The following ST6GALNAC5 variants were observed in gnomAD, a reference collection of about 807,000 sequenced individuals.
The protein encoded by ST6GALNAC5 is ST6 N-acetylgalactosaminide alpha-2,6-sialyltransferase 5.
In ST6GALNAC5, 27 loss-of-function variants were observed where a neutral mutation model predicts 33.6. The observed-to-expected ratio is 0.80, with a 90% CI of 0.59 to 1.11. ST6GALNAC5 has a LOEUF of 1.11. ST6GALNAC5 is among the 50% of genes least tolerant of loss of function. ST6GALNAC5 has a pLI of 0.00. For missense variants in ST6GALNAC5, 428 were observed against 454.0 expected (o/e 0.94, Z 0.52); for synonymous variants, 194 against 171.2 (o/e 1.13, Z -1.04).
chr1:76,920,885 T>C (rs777112905), intron 2 of ST6GALNAC5, among the ~76,000 whole-genome samples: 1 of 152,106 alleles, frequency 6.6e-6, no homozygotes, highest in African/African-American at 2.4e-5. Flanking sequence ...GAAAGTAGAA[T>C]AGAGAGCTCA....
chr1:76,869,849 T>C (rs1391911389), intron 2 of ST6GALNAC5, among the ~76,000 whole-genome samples: 1 of 152,174 alleles, frequency 6.6e-6, no homozygotes, highest in Admixed American at 6.5e-5. Flanking sequence ...CAGAACAATA[T>C]ACCATGAAAT....
At chr1:76,909,226 A>C (rs1267699325) in intron 2 of ST6GALNAC5, among the ~76,000 whole-genome samples, 2 of 152,148 alleles carry the variant, frequency 1.3e-5, no homozygotes, top group South Asian at 4.1e-4. Context: ...TATCTAGTGC[A>C]GTGTTGGAAG....
chr1:76,967,709 G>T (rs530641308), intron 2 of ST6GALNAC5, among the ~76,000 whole-genome samples: 1 of 152,078 alleles, frequency 6.6e-6, no homozygotes, highest in South Asian at 2.1e-4. Context: ...CTGCTTTCTT[G>T]TGGGCAGTTA....
At chr1:76,969,107 C>T (rs2100362218) in intron 2 of ST6GALNAC5, among the ~76,000 whole-genome samples, 1 of 152,282 alleles carries the variant, frequency 6.6e-6, no homozygotes, top group Non-Finnish European at 1.5e-5. Context: ...GTGATCAACG[C>T]AGAACACGCA....
intron 2 of ST6GALNAC5, among the ~76,000 whole-genome samples, chr1:76,945,513 T>C (rs541316416): frequency 2.6e-5 from 4 of 152,268 alleles, no homozygotes; most frequent in Non-Finnish European, 4.4e-5. Flanking sequence ...GACTTTCATG[T>C]TCTACATTGT....
At chr1:76,870,524 C>G (rs572183449) in intron 2 of ST6GALNAC5, among the ~76,000 whole-genome samples, 1 of 152,244 alleles carries the variant, frequency 6.6e-6, no homozygotes, top group African/African-American at 2.4e-5. Context: ...GTATAATAAC[C>G]TAATGCTTAT....
At chr1:76,970,936 G>A (rs1173679732) in intron 2 of ST6GALNAC5, among the ~76,000 whole-genome samples, 2 of 152,190 alleles carry the variant, frequency 1.3e-5, no homozygotes, top group Non-Finnish European at 1.5e-5. Flanking sequence ...TGCATCATAT[G>A]TAAATAAGAA....
chr1:76,932,504 T>C (rs1647154080), intron 2 of ST6GALNAC5, among the ~76,000 whole-genome samples: 1 of 152,098 alleles, frequency 6.6e-6, no homozygotes, highest in South Asian at 2.1e-4. Context: ...AAACTGCTGA[T>C]GGTAATTAGA....
intron 2 of ST6GALNAC5, among the ~76,000 whole-genome samples, chr1:77,013,668 C>A (rs1346931563): frequency 6.6e-6 from 1 of 152,194 alleles, no homozygotes; most frequent in Non-Finnish European, 1.5e-5. Flanking sequence ...AGGCCCCACT[C>A]CCAGCAGCTA....
In ST6GALNAC5 at chr1:76,868,837, T is replaced by C. The variant is rs1653428570; in HGVS notation, c.261+95T>C. 12 of 1,424,150 alleles carry C rather than the reference T, an allele frequency of 8.4e-6. No individual in the cohort carries two copies. The highest frequency in any genetic ancestry group is 1.9e-4 in the Middle Eastern group (1 of 5,154). 88.2% of individuals were successfully genotyped at this position (1,424,150 alleles called of 1,614,324 possible). A position where few individuals can be genotyped will look rare whatever the true frequency, so the allele number is the denominator to read the frequency against. On this transcript the variant is annotated intron_variant, in intron 2 of 4. Transcript: ENST00000477717. This position sits in a 1 kb window ranked among gnomAD's most constrained non-coding sequence, Gnocchi z 4.3. ...TCCCGGGGCTGGGAGGCGCTGTGAG[T>C]AGGTGCCGTTCGAAGGCTGGAGGGG...
At chr1:76,948,071 A>T (rs971920572) in intron 2 of ST6GALNAC5, among the ~76,000 whole-genome samples, 2 of 152,164 alleles carry the variant, frequency 1.3e-5, no homozygotes, top group African/African-American at 4.8e-5. Flanking sequence ...TTCTACACTC[A>T]AAGTCCAAAA....
At chr1:77,048,947 C>CA (rs76014444) in intron 3 of ST6GALNAC5, among the ~76,000 whole-genome samples, 1 of 151,898 alleles carries the variant, frequency 6.6e-6, no homozygotes, top group African/African-American at 2.4e-5. Flanking sequence ...ATTCAGCCCA[C>CA]TTATTCCCAT....
At chr1:76,933,145 T>C (rs1557728017) in intron 2 of ST6GALNAC5, among the ~76,000 whole-genome samples, 1 of 152,078 alleles carries the variant, frequency 6.6e-6, no homozygotes, top group East Asian at 1.9e-4. Context: ...TTAAATGGAA[T>C]CCTGAAATTT....
At chr1:77,059,924 C>T (rs1652521085) in intron 4 of ST6GALNAC5, among the ~76,000 whole-genome samples, 1 of 151,892 alleles carries the variant, frequency 6.6e-6, no homozygotes, top group African/African-American at 2.4e-5. Flanking sequence ...GTTTTATAAT[C>T]CAATACTGAC....
At chr1:76,963,514 A>G (rs997276997) in intron 2 of ST6GALNAC5, among the ~76,000 whole-genome samples, 1 of 152,216 alleles carries the variant, frequency 6.6e-6, no homozygotes, top group African/African-American at 2.4e-5. Flanking sequence ...ACAGACCTGA[A>G]TTGAAGAATG....
chr1:77,017,986 G>T (rs995072395), intron 2 of ST6GALNAC5, among the ~76,000 whole-genome samples: 1 of 152,096 alleles, frequency 6.6e-6, no homozygotes, highest in African/African-American at 2.4e-5. Context: ...GTCCATCTAG[G>T]CTCTCTTCTA....
chr1:76,982,435 GA>G (rs1287324593), intron 2 of ST6GALNAC5, among the ~76,000 whole-genome samples: 1 of 152,170 alleles, frequency 6.6e-6, no homozygotes, highest in Non-Finnish European at 1.5e-5. Flanking sequence ...TCAAATTAAT[GA>G]AATAAAGCAA....
intron 2 of ST6GALNAC5, among the ~76,000 whole-genome samples, chr1:76,896,965 C>T (rs540452648): frequency 2.0e-5 from 3 of 152,256 alleles, no homozygotes; most frequent in East Asian, 3.9e-4. Context: ...CCGCACTAAC[C>T]ATGCCTAGGA....
intron 2 of ST6GALNAC5, among the ~76,000 whole-genome samples, chr1:77,018,719 T>C (rs541078299): frequency 1.1e-4 from 16 of 152,334 alleles, no homozygotes; most frequent in African/African-American, 3.8e-4. Context: ...TTGAGAAGAA[T>C]GAAGTAACTG....
Sources: allele counts gnomAD v4.1 joint callset (sites outside exome capture counted in the v4.1 genomes callset), GRCh38; gene constraint gnomAD v4.1.1; non-coding constraint Gnocchi (gnomAD v3.1); transcripts MANE v1.5; gene names NCBI Gene and HGNC (gene_info 2026-07-23, HGNC 2026-07-21).